LOXL2: variants seen among roughly 807,000 people sequenced by gnomAD.
LOXL2 encodes lysyl oxidase homolog 2.
LOXL2 carries 70 observed loss-of-function variants against 93.0 expected under a neutral mutation model. The ratio of observed to expected loss-of-function variants is 0.75; its 90% confidence interval spans 0.62 to 0.92. LOXL2 has a LOEUF of 0.92. Among genes scored for constraint, LOXL2 ranks in the 40% least tolerant of loss-of-function variants. LOXL2 has a pLI of 0.00. For synonymous variants in LOXL2, 438 were observed against 413.2 expected, an observed-to-expected ratio of 1.06 and a Z score of -0.73; for missense variants, 973 against 1,054.9, an observed-to-expected ratio of 0.92 and a Z score of 1.08.
In LOXL2 at chr8:23,368,302, G is replaced by A. The variant is rs1309667575; in HGVS notation, c.50C>T (p.Ala17Val). 1 of 1,613,180 alleles carries A rather than the reference G, an allele frequency of 6.2e-7. No homozygotes were observed. Among genetic ancestry groups the A allele is most frequent in the South Asian group, 1.1e-5 (1 of 91,078 alleles). The change falls in exon 2 of 14, where the codon GCC becomes GTC. Residue 17 changes from alanine (A) to valine (V), a missense_variant. Transcript: ENST00000389131. ...SHLCSCLAML[A>V]LLSPLSLAQY... Reference sequence around the variant, plus strand: ...TGCCAGGCTCAGGGGGGACAGGAGGGCCAGCATAGCCAGGCAGCTGCAGAG... The same window carrying A: ...TGCCAGGCTCAGGGGGGACAGGAGGACCAGCATAGCCAGGCAGCTGCAGAG...
chr8:23,325,316 G>A (rs1803561851), intron 6 of LOXL2, among the ~76,000 whole-genome samples: 1 of 152,066 alleles, frequency 6.6e-6, no homozygotes, highest in South Asian at 2.1e-4. Context: ...TTGAGAGACA[G>A]AGTCTCGCTA....
chr8:23,353,531 G>A (rs950619832), intron 3 of LOXL2, among the ~76,000 whole-genome samples: 9 of 152,140 alleles, frequency 5.9e-5, no homozygotes, highest in African/African-American at 1.9e-4. Flanking sequence ...ACTGGAACCC[G>A]GGGGTTCTGC....
In LOXL2 at chr8:23,345,875, T is replaced by C. The variant is rs1244518800; in HGVS notation, c.532-4672A>G. Among the ~76,000 whole-genome samples the C allele has an allele frequency of 2.6e-5, 4 of 151,868 alleles. No homozygotes were observed. In the East Asian group the frequency reaches 7.7e-4, roughly 29 times the overall value. On this transcript the variant is annotated intron_variant, in intron 3 of 13. Coordinates refer to ENST00000389131, the MANE Select transcript of LOXL2 (RefSeq NM_002318.3). ...CGAGGTCAGGAGATTGGGACCATCC[T>C]GGCTAACACGGTGAAACCCTGTCTC...
chr8:23,358,831 G>A (rs1009237036), intron 3 of LOXL2, among the ~76,000 whole-genome samples: 5 of 148,976 alleles, frequency 3.4e-5, no homozygotes, highest in Non-Finnish European at 5.9e-5. Context: ...CAGTGGGGAG[G>A]CCCCAGTACC....
intron 5 of LOXL2, among the ~76,000 whole-genome samples, chr8:23,331,136 G>A (rs55810551): frequency 0.17 from 26,037 of 152,158 alleles, 2,460 homozygotes; most frequent in South Asian, 0.28. Context: ...TATATTGGAG[G>A]AGTGTAATAA....
At chr8:23,359,268 C>T (rs766453434) in intron 3 of LOXL2, among the ~76,000 whole-genome samples, 8 of 152,232 alleles carry the variant, frequency 5.3e-5, no homozygotes, top group Non-Finnish European at 8.8e-5. Flanking sequence ...AATCTCCTCC[C>T]ACTCTCTACC....
chr8:23,370,751 G>C (rs1335297233), intron 1 of LOXL2: 1 of 152,218 alleles, frequency 6.6e-6, no homozygotes, highest in African/African-American at 2.4e-5. Context: ...GGGGAGACCG[G>C]GAGTTCAGAA....
chr8:23,316,281 A>G (rs1013843654), intron 9 of LOXL2, among the ~76,000 whole-genome samples: 5 of 152,198 alleles, frequency 3.3e-5, no homozygotes, highest in Admixed American at 3.3e-4. Context: ...ATCAGCCAAT[A>G]AGGCAGGGTC....
At chr8:23,381,434 TC>T (rs1804679244) in intron 1 of LOXL2, among the ~76,000 whole-genome samples, 1 of 152,160 alleles carries the variant, frequency 6.6e-6, no homozygotes, top group South Asian at 2.1e-4. Context: ...AATTGAAACC[TC>T]CACCAGCAGT....
chr8:23,387,228 A>G (rs1229484600), intron 1 of LOXL2, among the ~76,000 whole-genome samples: 2 of 152,220 alleles, frequency 1.3e-5, no homozygotes, highest in Non-Finnish European at 2.9e-5. Context: ...CTTACATTCA[A>G]TGCAGTCCAT....
intron 3 of LOXL2, among the ~76,000 whole-genome samples, chr8:23,346,905 G>C (rs1336475420): frequency 6.6e-6 from 1 of 152,200 alleles, no homozygotes; most frequent in African/African-American, 2.4e-5. Flanking sequence ...ATCTCAACGA[G>C]AATGCATGAG....
chr8:23,313,097 T>C (rs199951995), intron 9 of LOXL2, among the ~76,000 whole-genome samples: 33 of 148,676 alleles, frequency 2.2e-4, no homozygotes, highest in East Asian at 1.0e-3. Flanking sequence ...TTACAAGGGA[T>C]GTGAAGGACC....
At chr8:23,322,470 A>C (rs1166302872) in intron 6 of LOXL2, among the ~76,000 whole-genome samples, 189 bp from the exon 7 acceptor site, 4 of 152,124 alleles carry the variant, frequency 2.6e-5, no homozygotes, top group African/African-American at 4.8e-5. Flanking sequence ...CTTGGGATTC[A>C]CTTATCCCCC....
intron 3 of LOXL2, among the ~76,000 whole-genome samples, chr8:23,357,914 T>G (rs1388264087): frequency 6.6e-6 from 1 of 152,242 alleles, no homozygotes; most frequent in East Asian, 1.9e-4. Context: ...CTCACATTTC[T>G]GGGGAGAAGA....
At chr8:23,356,471 C>G (rs56392520) in intron 3 of LOXL2, among the ~76,000 whole-genome samples, 8,336 of 152,294 alleles carry the variant, frequency 0.055, 222 homozygotes, top group Admixed American at 0.085. Flanking sequence ...AGGCGGTTCT[C>G]TACCCATCAG....
intron 1 of LOXL2, among the ~76,000 whole-genome samples, chr8:23,378,517 TA>T (rs1387298918): frequency 6.6e-6 from 1 of 152,080 alleles, no homozygotes; most frequent in Non-Finnish European, 1.5e-5. Flanking sequence ...TTCTCCTGGA[TA>T]ATATCCTGCA....
chr8:23,347,741 G>A (rs1239026496), intron 3 of LOXL2, among the ~76,000 whole-genome samples: 1 of 152,106 alleles, frequency 6.6e-6, no homozygotes, highest in African/African-American at 2.4e-5. Flanking sequence ...AACTGAAGCA[G>A]GAGGATAGCT....
At chr8:23,311,962 A>G (rs4469461) in intron 9 of LOXL2, among the ~76,000 whole-genome samples, 118,475 of 152,044 alleles carry the variant, frequency 0.78, 46,260 homozygotes, top group South Asian at 0.87. Flanking sequence ...GGATGAGGCT[A>G]GGGCAAAACA....
At position 23,298,990 on chromosome 8, in the gene LOXL2, G is replaced by A. The variant is rs200572365; in HGVS notation, c.2134-43C>T. 345 of 1,178,550 alleles carry A rather than the reference G, an allele frequency of 2.9e-4. 3 individuals are homozygous for A. The highest frequency in any genetic ancestry group is 9.3e-4 in the Admixed American group (55 of 59,150). 73.0% of individuals were successfully genotyped at this position (1,178,550 alleles called of 1,614,324 possible). On this transcript the variant is annotated intron_variant, in intron 12 of 13. Coordinates refer to ENST00000389131, the MANE Select transcript of LOXL2 (RefSeq NM_002318.3). ...AGAGGAGGCTGCTTGTTCCCTCTGC[G>A]GCCACCTCCACCCAGGCCTGGGGCT...
Sources: allele counts gnomAD v4.1 joint callset (sites outside exome capture counted in the v4.1 genomes callset), GRCh38; gene constraint gnomAD v4.1.1; transcripts MANE v1.5; gene names NCBI Gene and HGNC (gene_info 2026-07-23, HGNC 2026-07-21).